Variants in ZBTB20 observed in about 807,000 individuals in gnomAD.
ZBTB20 encodes zinc finger and BTB domain-containing protein 20.
In ZBTB20, 9 loss-of-function variants were observed where a neutral mutation model predicts 56.9. That is an observed-to-expected ratio of 0.16 (90% CI 0.10 to 0.28). The LOEUF is 0.28. Ranked by LOEUF, ZBTB20 falls within the 10% of genes least tolerant of loss-of-function variation. The pLI, the probability that ZBTB20 is intolerant of heterozygous loss-of-function variation, is 1.00. For synonymous variants in ZBTB20, 417 were observed against 420.7 expected, an observed-to-expected ratio of 0.99 and a Z score of 0.11; for missense variants, 655 against 1,003.0, an observed-to-expected ratio of 0.65 and a Z score of 4.69.
At chr3:114,520,984 C>A (rs573279144) in intron 6 of ZBTB20, among the ~76,000 whole-genome samples, 2 of 152,084 alleles carry the variant, frequency 1.3e-5, no homozygotes, top group African/African-American at 4.8e-5. Context: ...ATCCTAATAA[C>A]CAAAGGAGGC....
chr3:115,012,256 A>G (rs2079750752), intron 2 of ZBTB20, among the ~76,000 whole-genome samples: 1 of 151,850 alleles, frequency 6.6e-6, no homozygotes, highest in Non-Finnish European at 1.5e-5. Flanking sequence ...CTCTCCAATC[A>G]AAAGACACAA....
chr3:114,596,544 C>T (rs2056330373), intron 6 of ZBTB20, among the ~76,000 whole-genome samples: 1 of 152,096 alleles, frequency 6.6e-6, no homozygotes, highest in South Asian at 2.1e-4. Flanking sequence ...TCACTAAGAG[C>T]ATGATGGCTG....
chr3:114,345,299 G>A (rs572307642), intron 11 of ZBTB20, among the ~76,000 whole-genome samples: 5 of 152,106 alleles, frequency 3.3e-5, no homozygotes, highest in Non-Finnish European at 7.4e-5. Context: ...GTGTGTTTCC[G>A]CTCTCACAGA....
chr3:114,866,049 C>G (rs1438615023), intron 4 of ZBTB20, among the ~76,000 whole-genome samples: 4 of 152,144 alleles, frequency 2.6e-5, no homozygotes, highest in African/African-American at 9.7e-5. Flanking sequence ...TGGAGGCAAA[C>G]AGCTTAAGTT....
intron 5 of ZBTB20, among the ~76,000 whole-genome samples, chr3:114,726,712 A>G (rs890046903): frequency 1.3e-5 from 2 of 151,870 alleles, no homozygotes; most frequent in Non-Finnish European, 2.9e-5. Flanking sequence ...GGAAATCATG[A>G]TCATCCTGGC....
intron 5 of ZBTB20, among the ~76,000 whole-genome samples, chr3:114,727,333 T>C (rs1343762427): frequency 1.3e-5 from 2 of 152,210 alleles, no homozygotes; most frequent in African/African-American, 4.8e-5. Flanking sequence ...AGTTTCATGT[T>C]GAACATTTTG....
chr3:114,394,421 G>T (rs931994729), intron 7 of ZBTB20, among the ~76,000 whole-genome samples: 11 of 152,168 alleles, frequency 7.2e-5, no homozygotes, highest in African/African-American at 2.7e-4. Context: ...GTACAAGGAA[G>T]ATGCTTATTT....
intron 3 of ZBTB20, among the ~76,000 whole-genome samples, chr3:114,948,114 T>C (rs2076945049): frequency 6.9e-6 from 1 of 144,740 alleles, no homozygotes; most frequent in Admixed American, 6.6e-5. Context: ...TAACATCAAG[T>C]AGGGTTTATT....
chr3:114,994,840 A>G (rs1373503619), intron 2 of ZBTB20, among the ~76,000 whole-genome samples: 1 of 151,838 alleles, frequency 6.6e-6, no homozygotes, highest in Non-Finnish European at 1.5e-5. Context: ...TCCCACGCTA[A>G]AACTGAACTA....
At chr3:114,872,117 C>T (rs1008326911) in intron 4 of ZBTB20, among the ~76,000 whole-genome samples, 14 of 152,066 alleles carry the variant, frequency 9.2e-5, no homozygotes, top group African/African-American at 3.4e-4. Flanking sequence ...TGAGCCTTTC[C>T]CAACATCTCC....
chr3:114,726,909 C>A (rs2065342195), intron 5 of ZBTB20, among the ~76,000 whole-genome samples: 2 of 5,084 alleles, frequency 3.9e-4, no homozygotes, highest in Non-Finnish European at 9.8e-4. Flanking sequence ...GAGACTCCAT[C>A]ACAAAAAAAA....
chr3:114,513,945 A>T (rs1010612903), intron 6 of ZBTB20, among the ~76,000 whole-genome samples: 1 of 151,986 alleles, frequency 6.6e-6, no homozygotes, highest in African/African-American at 2.4e-5. Flanking sequence ...TTTAGAGAAG[A>T]CATAATAACA....
intron 6 of ZBTB20, among the ~76,000 whole-genome samples, chr3:114,506,604 A>G (rs76531771): frequency 2.2e-3 from 334 of 152,258 alleles, no homozygotes; most frequent in Non-Finnish European, 4.1e-3. Context: ...TTTCTCTTCT[A>G]TATCTTAAAC....
At chr3:114,880,612 G>T (rs1317657901) in intron 4 of ZBTB20, among the ~76,000 whole-genome samples, 1 of 152,002 alleles carries the variant, frequency 6.6e-6, no homozygotes, top group African/African-American at 2.4e-5. Context: ...TTATAAAAAA[G>T]ATTGTCACAA....
In ZBTB20 at chr3:114,726,500, T is replaced by C. The variant is rs546569100; in HGVS notation, c.-342-32925A>G. Among the ~76,000 whole-genome samples the C allele has an allele frequency of 3.9e-5, 6 of 152,332 alleles. No individual in the cohort carries two copies. In the South Asian group the frequency reaches 1.2e-3, roughly 32 times the overall value. On this transcript the variant is annotated intron_variant, in intron 5 of 11. Coordinates refer to ENST00000675478, the MANE Select transcript of ZBTB20 (RefSeq NM_001348800.3). ...GTGCTTGTTCAAATACAAATTGCTG[T>C]GTTCCACCTCAAAGTTTCTTATTCA...
chr3:114,622,903 C>T (rs1464536381), intron 6 of ZBTB20, among the ~76,000 whole-genome samples: 1 of 152,206 alleles, frequency 6.6e-6, no homozygotes, highest in African/African-American at 2.4e-5. Context: ...GCCCCTTAGG[C>T]TGGGTTGTGA....
chr3:114,829,456 T>C (rs866968043), intron 4 of ZBTB20, among the ~76,000 whole-genome samples: 10 of 151,838 alleles, frequency 6.6e-5, no homozygotes, highest in African/African-American at 2.4e-4. Context: ...TTAATCTCTG[T>C]ATCACAGCTA....
chr3:114,420,448 C>T (rs2089040669), intron 7 of ZBTB20, among the ~76,000 whole-genome samples: 1 of 152,166 alleles, frequency 6.6e-6, no homozygotes, highest in African/African-American at 2.4e-5. Context: ...CCCTGTAGGG[C>T]ACCCATTGGA....
At chr3:114,548,342 T>C (rs192681096) in intron 6 of ZBTB20, among the ~76,000 whole-genome samples, 2 of 152,280 alleles carry the variant, frequency 1.3e-5, no homozygotes, top group African/African-American at 4.8e-5. Flanking sequence ...GGAGTTGACC[T>C]TCAGTACTGA....
Sources: allele counts gnomAD v4.1 joint callset (sites outside exome capture counted in the v4.1 genomes callset), GRCh38; gene constraint gnomAD v4.1.1; transcripts MANE v1.5; gene names NCBI Gene and HGNC (gene_info 2026-07-23, HGNC 2026-07-21).